FIP1L1: variants seen among roughly 807,000 people sequenced by gnomAD.
The protein encoded by FIP1L1 is pre-mRNA 3'-end-processing factor FIP1.
In FIP1L1, 21 loss-of-function variants were observed where a neutral mutation model predicts 84.6. The observed-to-expected ratio is 0.25, with a 90% confidence interval of 0.18 to 0.36. FIP1L1 has a LOEUF of 0.36. FIP1L1 is among the 10% of genes least tolerant of loss of function. The pLI is 1.00. For synonymous variants in FIP1L1, 263 were observed against 242.3 expected (o/e 1.09, Z -0.80); for missense variants, 526 against 751.1 (o/e 0.70, Z 3.50).
intron 16 of FIP1L1, among the ~76,000 whole-genome samples, 168 bp downstream of exon 16, chr4:53,453,301 A>T (rs1717122803): frequency 6.6e-6 from 1 of 152,184 alleles, no homozygotes; most frequent in Non-Finnish European, 1.5e-5. Flanking sequence ...ATTACCTTGA[A>T]CAGTAGTCCT....
intron 13 of FIP1L1, among the ~76,000 whole-genome samples, chr4:53,441,650 A>G (rs1771984968): frequency 2.6e-5 from 4 of 151,982 alleles, no homozygotes; most frequent in Admixed American, 2.6e-4. Context: ...AATGGATTTA[A>G]GTGGACCTTT....
At position 53,459,669 on chromosome 4, in the gene FIP1L1, T is replaced by C. The variant is rs1338111653; in HGVS notation, c.*220T>C. 3.3e-6 allele frequency: 2 copies of C among 598,254 alleles called. No homozygotes were observed. Among genetic ancestry groups the C allele is most frequent in the South Asian group, 4.1e-5 (2 of 48,888 alleles). 37.1% of individuals were successfully genotyped at this position (598,254 alleles called of 1,614,324 possible). The stretch of plus-strand genomic sequence containing the variant: ...AAATAAAAAGACAGCAATGACTTTA[T>C]ATCCAAGAAAGGAATGTGAATGAGT... On this transcript the variant is annotated 3_prime_UTR_variant, in exon 18 of 18. Coordinates refer to ENST00000337488, the MANE Select transcript of FIP1L1 (RefSeq NM_030917.4).
intron 13 of FIP1L1, among the ~76,000 whole-genome samples, chr4:53,437,018 C>T (rs1769531150): frequency 6.6e-6 from 1 of 151,094 alleles, no homozygotes; most frequent in Non-Finnish European, 1.5e-5. Flanking sequence ...GAAGAAACCC[C>T]ATCTTTATAA....
At chr4:53,442,417 G>C (rs1261639312) in intron 13 of FIP1L1, 10 of 422,726 alleles carry the variant, frequency 2.4e-5, no homozygotes, top group Non-Finnish European at 3.8e-5. Flanking sequence ...AAATAAGACC[G>C]GTGTCCTGAC....
intron 11 of FIP1L1, among the ~76,000 whole-genome samples, chr4:53,415,586 C>G (rs999850422): frequency 4.0e-5 from 6 of 149,620 alleles, no homozygotes; most frequent in Non-Finnish European, 8.9e-5. Flanking sequence ...TAGCTCAATG[C>G]TATATAAATA....
At chr4:53,378,896 T>C (rs1443261502) in intron 1 of FIP1L1, 177 bp from the exon 2 acceptor site, 1 of 644,446 alleles carries the variant, frequency 1.6e-6, no homozygotes, top group African/African-American at 1.8e-5. Flanking sequence ...GATTTAGCAT[T>C]AGTTACTACT....
intron 13 of FIP1L1, among the ~76,000 whole-genome samples, chr4:53,430,341 C>CTTTTT (rs376793476): frequency 2.4e-4 from 18 of 75,798 alleles, no homozygotes; most frequent in East Asian, 4.3e-4. Context: ...GATAAAATTA[C>CTTTTT]TTTTTTTTTT....
chr4:53,452,800 A>G (rs1716880182), intron 15 of FIP1L1, 120 bp from the exon 16 acceptor site: 2 of 702,494 alleles, frequency 2.8e-6, no homozygotes, highest in Non-Finnish European at 4.8e-6. Flanking sequence ...TCACCATGTG[A>G]TATTTCTCTT....
intron 13 of FIP1L1, among the ~76,000 whole-genome samples, chr4:53,433,390 CTG>C (rs1325304511): frequency 6.6e-6 from 1 of 152,142 alleles, no homozygotes. Flanking sequence ...ATTTGTCTAT[CTG>C]TGTCTGACTT....
chr4:53,445,987 A>T (rs563732721), intron 15 of FIP1L1, among the ~76,000 whole-genome samples: 1 of 152,168 alleles, frequency 6.6e-6, no homozygotes, highest in Non-Finnish European at 1.5e-5. Flanking sequence ...AAGAAAATTG[A>T]ATAGACTCCG....
Position 53,453,270 on chromosome 4 carries a change from A to G in FIP1L1, c.1499+137A>G, listed in dbSNP as rs1448920681. The G allele has an allele frequency of 4.2e-6, 4 of 948,122 alleles. No individual in the cohort carries two copies. The African/African-American group carries it at 6.6e-5, about 16-fold the overall frequency. 58.7% of individuals were successfully genotyped at this position (948,122 alleles called of 1,614,324 possible). A position where few individuals can be genotyped will look rare whatever the true frequency, so the allele number is the denominator to read the frequency against. ...TACATAGGAAAGCCATCTTAAAATG[A>G]TAAAGGATTAGAGGCTTCCCATTAC... On this transcript the variant is annotated intron_variant, in intron 16 of 17. Transcript: ENST00000337488.
At chr4:53,396,005 A>G (rs1162303755) in intron 9 of FIP1L1, among the ~76,000 whole-genome samples, 1 of 149,814 alleles carries the variant, frequency 6.7e-6, no homozygotes, top group East Asian at 2.0e-4. Flanking sequence ...TGCAACCTCT[A>G]CCTCCTGGGT....
chr4:53,391,113 G>A lies in FIP1L1; in HGVS notation c.610G>A (p.Val204Ile). Residue 204 changes from valine to isoleucine, a missense_variant, in exon 8 of 18, where the codon GTA (valine) becomes ATA (isoleucine). This residue lies in a region of FIP1L1 where 169 missense variants were observed against 206.9 expected (regional missense o/e 0.82). Transcript: ENST00000337488. The part of the protein sequence containing the change: ...RIRMGLEVIP[V>I]TSTTNKITAE... ...ACGAATGGGACTTGAAGTTATACCA[G>A]TAACCTCTACTACAAATAAAATTAC... 6.2e-7 allele frequency: 1 copy of A among 1,609,576 alleles called. No homozygotes were observed. Among genetic ancestry groups the A allele is most frequent in the Non-Finnish European group, 8.5e-7 (1 of 1,178,580 alleles).
Position 53,383,812 on chromosome 4 carries a change from G to C in FIP1L1, c.268G>C (p.Asp90His). The change falls in exon 5 of 18, where the codon GAT becomes CAT. Residue 90 changes from aspartate to histidine, a missense_variant. Physicochemically the swap from Asp to His is moderately conservative, Grantham distance 81. Coordinates refer to ENST00000337488, the MANE Select transcript of FIP1L1 (RefSeq NM_030917.4). Reference protein sequence around the residue: ...ETEDDSDSDSDDDEDDVHVTI... With the variant: ...ETEDDSDSDSHDDEDDVHVTI... The stretch of plus-strand genomic sequence containing the variant: ...CGAAGATGATAGTGATAGTGACAGC[G>C]ATGATGATGAAGATGATGTTCATGT... 6.2e-7 allele frequency: 1 copy of C among 1,611,024 alleles called. No homozygotes were observed. Among genetic ancestry groups the C allele is most frequent in the Non-Finnish European group, 8.5e-7 (1 of 1,177,370 alleles).
In FIP1L1 at chr4:53,398,830, A is replaced by C. The variant is rs577469590; in HGVS notation, c.706-900A>C. On this transcript the variant is annotated intron_variant, in intron 9 of 17. Transcript: ENST00000337488. Reference sequence around the variant, plus strand: ...CAAATCTTGGAGAAATTATGGAGTAAGTAGATAGATGGTTTTAAAATTAAT... The same window carrying C: ...CAAATCTTGGAGAAATTATGGAGTACGTAGATAGATGGTTTTAAAATTAAT... 3.3e-5 allele frequency among the ~76,000 whole-genome samples: 5 copies of C among 152,274 alleles called. No homozygotes were observed. In the East Asian group the frequency reaches 9.6e-4, roughly 29 times the overall value.
At chr4:53,416,146 C>T (rs1759401335) in intron 11 of FIP1L1, among the ~76,000 whole-genome samples, 2 of 152,096 alleles carry the variant, frequency 1.3e-5, no homozygotes, top group Admixed American at 6.5e-5. Context: ...CCTAAAAGTT[C>T]ATAATTGTAC....
intron 10 of FIP1L1, among the ~76,000 whole-genome samples, chr4:53,400,830 A>G (rs1186419133): frequency 2.0e-5 from 3 of 152,240 alleles, no homozygotes; most frequent in Non-Finnish European, 4.4e-5. Flanking sequence ...TTTGGTTTTA[A>G]AGAATTTATG....
intron 11 of FIP1L1, among the ~76,000 whole-genome samples, chr4:53,421,227 A>G (rs898865649): frequency 2.0e-5 from 3 of 152,208 alleles, no homozygotes; most frequent in Non-Finnish European, 4.4e-5. Context: ...ATAGCATTTT[A>G]CAGCCTCACA....
Position 53,377,753 on chromosome 4 carries a change from C to T in FIP1L1, c.-86C>T, listed in dbSNP as rs1481073064. On this transcript the variant is annotated 5_prime_UTR_variant, in exon 1 of 18. Transcript: ENST00000337488. Reference sequence around the variant, plus strand: ...CGTTCGTTCGTCGGCGGGTTCGCGCCCTTCTCGCGCCTCGGGGCTGCGAGG... The same window carrying T: ...CGTTCGTTCGTCGGCGGGTTCGCGCTCTTCTCGCGCCTCGGGGCTGCGAGG... 1.6e-5 allele frequency: 21 copies of T among 1,290,478 alleles called. No individual in the cohort carries two copies. In the South Asian group the frequency reaches 2.5e-4, roughly 16 times the overall value. 79.9% of individuals were successfully genotyped at this position (1,290,478 alleles called of 1,614,324 possible). A position where few individuals can be genotyped will look rare whatever the true frequency, so the allele number is the denominator to read the frequency against.
Sources: allele counts gnomAD v4.1 joint callset (sites outside exome capture counted in the v4.1 genomes callset), GRCh38; gene constraint gnomAD v4.1.1; regional missense constraint gnomAD v4.1.1; transcripts MANE v1.5; gene names NCBI Gene and HGNC (gene_info 2026-07-23, HGNC 2026-07-21).